Variants in SLC24A2 observed in about 807,000 individuals in gnomAD.
SLC24A2 encodes solute carrier family 24 member 2.
SLC24A2 carries 36 observed loss-of-function variants against 62.0 expected under a neutral mutation model. That is an observed-to-expected ratio of 0.58 (90% CI 0.44 to 0.77). SLC24A2 has a LOEUF of 0.77. Among genes scored for constraint, SLC24A2 ranks in the 30% least tolerant of loss-of-function variants. The pLI is 0.00. For missense variants in SLC24A2, 846 were observed against 817.9 expected, an observed-to-expected ratio of 1.03 and a Z score of -0.42; for synonymous variants, 358 against 294.0, an observed-to-expected ratio of 1.22 and a Z score of -2.23.
At chr9:20,142,356 G>T in the SLC24A2 span, among the ~76,000 whole-genome samples, 4 of 152,020 alleles carry the variant, frequency 2.6e-5, no homozygotes, top group African/African-American at 9.7e-5. Context: ...TTTGTGTTAC[G>T]TATTTTTTAT....
the SLC24A2 span, among the ~76,000 whole-genome samples, chr9:19,857,912 A>C: frequency 6.6e-6 from 1 of 152,186 alleles, no homozygotes; most frequent in African/African-American, 2.4e-5. Context: ...TATAACATTA[A>C]AATGGCCATA....
At chr9:19,816,774 C>G in the SLC24A2 span, among the ~76,000 whole-genome samples, 1 of 151,964 alleles carries the variant, frequency 6.6e-6, no homozygotes, top group Non-Finnish European at 1.5e-5. Flanking sequence ...CTCATGAGAA[C>G]TCACTCACTA....
intron 2 of SLC24A2, among the ~76,000 whole-genome samples, chr9:19,677,168 T>C (rs372625707): frequency 2.0e-4 from 30 of 152,194 alleles, no homozygotes; most frequent in Non-Finnish European, 3.1e-4. Context: ...AGCAAAGACA[T>C]GGAATCAACC....
At chr9:19,856,658 T>C in the SLC24A2 span, among the ~76,000 whole-genome samples, 1 of 152,102 alleles carries the variant, frequency 6.6e-6, no homozygotes, top group Non-Finnish European at 1.5e-5. Flanking sequence ...TGACTGCTTG[T>C]TCCTTCCTCT....
chr9:20,194,190 C>T, the SLC24A2 span, among the ~76,000 whole-genome samples: 24 of 151,942 alleles, frequency 1.6e-4, no homozygotes, highest in African/African-American at 4.8e-4. Flanking sequence ...GTCTTTTAAG[C>T]ATGTCATGAA....
the SLC24A2 span, among the ~76,000 whole-genome samples, chr9:19,934,569 C>G: frequency 6.6e-6 from 1 of 152,216 alleles, no homozygotes; most frequent in Non-Finnish European, 1.5e-5. This position sits in a 1 kb window ranked among gnomAD's most constrained non-coding sequence, Gnocchi z 4.1. Context: ...GCCTCCTGCG[C>G]TGCCTGCCAG....
intron 4 of SLC24A2, among the ~76,000 whole-genome samples, chr9:19,616,460 C>T (rs903422040): frequency 3.9e-5 from 6 of 152,256 alleles, no homozygotes; most frequent in East Asian, 3.9e-4. Flanking sequence ...GAGTCTGGTT[C>T]GGGAGTCTGT....
chr9:20,298,824 G>C, the SLC24A2 span, among the ~76,000 whole-genome samples: 1 of 152,230 alleles, frequency 6.6e-6, no homozygotes, highest in Admixed American at 6.5e-5. Flanking sequence ...TAAAAAGGTA[G>C]TGAGTTATCC....
chr9:20,233,067 T>A, the SLC24A2 span, among the ~76,000 whole-genome samples: 12 of 152,170 alleles, frequency 7.9e-5, no homozygotes, highest in African/African-American at 2.9e-4. Flanking sequence ...GAGTTCTAGT[T>A]TGATTGCACT....
At chr9:19,645,004 A>G (rs968171646) in intron 2 of SLC24A2, among the ~76,000 whole-genome samples, 3 of 152,192 alleles carry the variant, frequency 2.0e-5, no homozygotes, top group Non-Finnish European at 2.9e-5. Flanking sequence ...GGAGAATCAG[A>G]AATATACAGT....
At chr9:19,958,226 G>A in the SLC24A2 span, 6 of 152,188 alleles carry the variant, frequency 3.9e-5, no homozygotes, top group Non-Finnish European at 7.3e-5. Flanking sequence ...CTTAAGAGCC[G>A]GCTCTCCTCG....
At chr9:19,606,803 T>C (rs1323876026) in intron 4 of SLC24A2, among the ~76,000 whole-genome samples, 1 of 152,170 alleles carries the variant, frequency 6.6e-6, no homozygotes, top group African/African-American at 2.4e-5. Context: ...GGACCGTTTG[T>C]TGTGGGTGGG....
the SLC24A2 span, among the ~76,000 whole-genome samples, chr9:20,115,390 C>T: frequency 5.3e-5 from 8 of 151,972 alleles, no homozygotes; most frequent in Admixed American, 1.3e-4. Context: ...GATACGGAAA[C>T]GTCAAAGAGA....
At chr9:20,260,913 T>G in the SLC24A2 span, among the ~76,000 whole-genome samples, 1 of 145,064 alleles carries the variant, frequency 6.9e-6, no homozygotes, top group South Asian at 2.2e-4. Flanking sequence ...TGGAGTGCAG[T>G]GGCGTAATCT....
Position 19,701,193 on chromosome 9 carries a change from C to T in SLC24A2, c.931-78894G>A, listed in dbSNP as rs1017274387. On this transcript the variant is annotated intron_variant, in intron 2 of 10. Transcript: ENST00000341998. ...ACCTGTTAGGTGCTAGTAGATTGAT[C>T]GAAGGGGATGATCTGCATGTACCAT... Among the ~76,000 whole-genome samples, 4 of 152,120 alleles carry T rather than the reference C, an allele frequency of 2.6e-5. No homozygotes were observed. The South Asian group carries it at 6.2e-4, about 24-fold the overall frequency.
intron 2 of SLC24A2, among the ~76,000 whole-genome samples, chr9:19,775,969 A>C (rs1822833302): frequency 6.6e-6 from 1 of 152,262 alleles, no homozygotes. Context: ...CCATGAAATT[A>C]TTTTAGAAAG....
the SLC24A2 span, among the ~76,000 whole-genome samples, chr9:20,224,128 ACAATT>A: frequency 2.3e-4 from 35 of 152,236 alleles, no homozygotes; most frequent in African/African-American, 8.2e-4. Context: ...CATGGGGATT[ACAATT>A]CAAGATGAGA....
the SLC24A2 span, among the ~76,000 whole-genome samples, chr9:20,115,975 C>T: frequency 1.6e-4 from 25 of 152,282 alleles, no homozygotes; most frequent in Middle Eastern, 3.4e-3. Context: ...AGGCTGCCAA[C>T]TCACAATGGA....
the SLC24A2 span, among the ~76,000 whole-genome samples, chr9:19,863,639 G>GA: frequency 1.0e-5 from 1 of 98,902 alleles, no homozygotes; most frequent in Non-Finnish European, 2.3e-5. Flanking sequence ...AATTAAGAAG[G>GA]AAATTGAATT....
Sources: allele counts gnomAD v4.1 joint callset (sites outside exome capture counted in the v4.1 genomes callset), GRCh38; gene constraint gnomAD v4.1.1; non-coding constraint Gnocchi (gnomAD v3.1); transcripts MANE v1.5; gene names NCBI Gene and HGNC (gene_info 2026-07-23, HGNC 2026-07-21).